SLC25A48: variants seen among roughly 807,000 people sequenced by gnomAD.
SLC25A48 encodes CTC-321K16.1.
Under a neutral mutation model 32.2 loss-of-function variants are expected in SLC25A48, and 29 were observed. The ratio of observed to expected loss-of-function variants is 0.90; its 90% CI spans 0.67 to 1.23. The LOEUF is 1.23. Among genes scored for constraint, SLC25A48 ranks in the 50% most tolerant of loss-of-function variants. The pLI is 0.00. For missense variants in SLC25A48, 399 were observed against 422.7 expected, an observed-to-expected ratio of 0.94 and a Z score of 0.49; for synonymous variants, 164 against 172.3, an observed-to-expected ratio of 0.95 and a Z score of 0.38.
intron 3 of SLC25A48, chr5:135,742,564 C>T (rs1179296642): frequency 7.4e-7 from 1 of 1,346,884 alleles, no homozygotes; most frequent in African/African-American, 1.5e-5. Flanking sequence ...TTATGGTTTT[C>T]ATTTTCTCTT....
At chr5:135,880,384 T>A (rs1426495557) in intron 7 of SLC25A48, among the ~76,000 whole-genome samples, 1 of 152,036 alleles carries the variant, frequency 6.6e-6, no homozygotes, top group South Asian at 2.1e-4. Context: ...TCAACAGCCC[T>A]TTCAGAGAAG....
intron 3 of SLC25A48, among the ~76,000 whole-genome samples, chr5:135,688,236 G>A (rs143490479): frequency 3.9e-5 from 6 of 152,148 alleles, no homozygotes; most frequent in East Asian, 1.9e-4. Flanking sequence ...ATAATATTCC[G>A]TCATATGTCT....
chr5:135,668,311 CA>C (rs1231793987), intron 3 of SLC25A48, among the ~76,000 whole-genome samples: 1 of 152,182 alleles, frequency 6.6e-6, no homozygotes, highest in Non-Finnish European at 1.5e-5. Flanking sequence ...TTTATATACG[CA>C]GCAAAGTTAA....
chr5:135,643,743 C>A (rs1752894206), intron 3 of SLC25A48, among the ~76,000 whole-genome samples: 2 of 152,196 alleles, frequency 1.3e-5, no homozygotes. Flanking sequence ...TGAGCAGCGA[C>A]CCCGTTAACT....
rs950165796 is a variant in SLC25A48, at chr5:135,617,901, G to A, written c.-848-11336G>A. Among the ~76,000 whole-genome samples the A allele has an allele frequency of 5.3e-5, 8 of 151,910 alleles. 1 individual carries two copies. The South Asian group carries it at 1.7e-3, about 32-fold the overall frequency. The stretch of plus-strand genomic sequence containing the variant: ...TATCTAGAATGTTCTGTGTGCTGAT[G>A]AGGAGAATGTTCTTTAAATTTCTCT... On this transcript the variant is annotated intron_variant, in intron 1 of 10. Transcript: ENST00000646290.
intron 3 of SLC25A48, among the ~76,000 whole-genome samples, chr5:135,781,016 G>T (rs1487341719): frequency 8.6e-6 from 1 of 116,262 alleles, no homozygotes. Context: ...TAATATCCAG[G>T]GGGGAGATGA....
rs1202726700 is a variant in SLC25A48, at chr5:135,693,879, C to T, written c.-521+58923C>T. ...GAAGGCGTGTGGGGCGATGGGCCTC[C>T]CCAGCCTCCCAGACAAGCCATAAGC... On this transcript the variant is annotated intron_variant, in intron 3 of 10. Coordinates refer to the SLC25A48 transcript ENST00000646290. Among the ~76,000 whole-genome samples, 3 of 152,332 alleles carry T rather than the reference C, an allele frequency of 2.0e-5. No individual in the cohort carries two copies. In the East Asian group the frequency reaches 5.8e-4, roughly 29 times the overall value.
intron 3 of SLC25A48, among the ~76,000 whole-genome samples, chr5:135,749,510 C>A (rs1006474730): frequency 2.0e-5 from 3 of 152,140 alleles, no homozygotes; most frequent in African/African-American, 4.8e-5. Context: ...ATCTGATCTG[C>A]ATCTTGATGG....
intron 3 of SLC25A48, among the ~76,000 whole-genome samples, chr5:135,722,690 G>A (rs980105766): frequency 6.6e-6 from 1 of 152,226 alleles, no homozygotes; most frequent in Non-Finnish European, 1.5e-5. Flanking sequence ...CGCATGTAAA[G>A]CTTTCAGAAC....
chr5:135,683,787 A>T (rs57955832), intron 3 of SLC25A48, among the ~76,000 whole-genome samples: 2 of 152,160 alleles, frequency 1.3e-5, no homozygotes, highest in African/African-American at 4.8e-5. Flanking sequence ...GGACTTTGGG[A>T]ACAACCCCAT....
chr5:135,700,480 G>A (rs767018936), intron 3 of SLC25A48, among the ~76,000 whole-genome samples: 1 of 151,496 alleles, frequency 6.6e-6, no homozygotes, highest in Non-Finnish European at 1.5e-5. Flanking sequence ...AACATCAAAC[G>A]CTATGCTAGG....
At chr5:135,595,233 G>A (rs1236978323) in intron 1 of SLC25A48, among the ~76,000 whole-genome samples, 1 of 152,182 alleles carries the variant, frequency 6.6e-6, no homozygotes, top group Non-Finnish European at 1.5e-5. Context: ...TGCTGTGTTT[G>A]GAGACAAGAT....
intron 4 of SLC25A48, among the ~76,000 whole-genome samples, chr5:135,858,550 A>T (rs149461683): frequency 2.6e-4 from 39 of 152,264 alleles, no homozygotes; most frequent in African/African-American, 9.1e-4. Context: ...ACAACAACCC[A>T]ATTCCTGGGG....
chr5:135,581,823 A>G (rs943011178), intron 1 of SLC25A48, among the ~76,000 whole-genome samples: 5 of 152,368 alleles, frequency 3.3e-5, no homozygotes, highest in African/African-American at 1.2e-4. Flanking sequence ...ACAGGAGAGC[A>G]TGAGGCCCCT....
chr5:135,804,085 T>G (rs1757401496), intron 3 of SLC25A48, among the ~76,000 whole-genome samples: 1 of 151,612 alleles, frequency 6.6e-6, no homozygotes, highest in Non-Finnish European at 1.5e-5. Context: ...TCTCCACACA[T>G]GATGTACACC....
chr5:135,621,126 G>A (rs768583352), intron 1 of SLC25A48, among the ~76,000 whole-genome samples: 3 of 152,212 alleles, frequency 2.0e-5, no homozygotes, highest in Non-Finnish European at 2.9e-5. Context: ...GCTGCATGCT[G>A]CCAAGAGGAA....
intron 1 of SLC25A48, among the ~76,000 whole-genome samples, chr5:135,609,028 G>T (rs764747868): frequency 3.3e-5 from 5 of 152,248 alleles, no homozygotes; most frequent in Non-Finnish European, 7.3e-5. Context: ...CAATTGGCAT[G>T]ACCTGATATT....
At chr5:135,798,268 C>A (rs2126639843) in intron 3 of SLC25A48, among the ~76,000 whole-genome samples, 1 of 151,780 alleles carries the variant, frequency 6.6e-6, no homozygotes, top group African/African-American at 2.4e-5. Context: ...GATATTGTTT[C>A]TAATATCCAG....
At chr5:135,633,725 G>A (rs1479936392) in intron 2 of SLC25A48, among the ~76,000 whole-genome samples, 1 of 152,146 alleles carries the variant, frequency 6.6e-6, no homozygotes, top group Non-Finnish European at 1.5e-5. Flanking sequence ...AGGGTACCAA[G>A]TTGAGAACTG....
Sources: allele counts gnomAD v4.1 joint callset (sites outside exome capture counted in the v4.1 genomes callset), GRCh38; gene constraint gnomAD v4.1.1; transcripts MANE v1.5; gene names NCBI Gene and HGNC (gene_info 2026-07-23, HGNC 2026-07-21).